The following RBPJ variants were observed in gnomAD, a reference collection of about 807,000 sequenced individuals.
RBPJ encodes the protein recombining binding protein suppressor of hairless.
A neutral mutation model predicts 67.8 loss-of-function variants in RBPJ; 9 were observed. The observed-to-expected ratio is 0.13, with a 90% CI of 0.08 to 0.23. The LOEUF (loss-of-function observed/expected upper bound fraction) is 0.23, where lower values mean the gene tolerates loss of function less well. Ranked by LOEUF, RBPJ falls within the 10% of genes least tolerant of loss-of-function variation. RBPJ has a pLI of 1.00. For missense variants in RBPJ, 305 were observed against 595.6 expected (o/e 0.51, Z 5.08); for synonymous variants, 198 against 203.3 (o/e 0.97, Z 0.22).
intron 2 of RBPJ, among the ~76,000 whole-genome samples, chr4:26,387,712 T>G (rs1731063295): frequency 6.6e-6 from 1 of 152,106 alleles, no homozygotes; most frequent in African/African-American, 2.4e-5. Flanking sequence ...CATGCGTGTG[T>G]AAGAAAACTA....
chr4:26,384,132 G>A lies in RBPJ; in HGVS notation c.21-2221G>A, dbSNP rs550001775. On this transcript the variant is annotated intron_variant, in intron 1 of 10. Transcript: ENST00000355476. ...CAAAGTGCTAGGATTACAGGCATGA[G>A]CTACCATGCCTTGCCTTGTTTCTTG... 2.2e-3 allele frequency among the ~76,000 whole-genome samples: 341 copies of A among 152,286 alleles called. 1 individual carries two copies. The highest frequency in any genetic ancestry group is 3.6e-3 in the Non-Finnish European group (244 of 68,022).
At chr4:26,120,994 AGAAGAG>A in the RBPJ span, among the ~76,000 whole-genome samples, 1 of 150,896 alleles carries the variant, frequency 6.6e-6, no homozygotes, top group Admixed American at 6.6e-5. Context: ...GGAGAGGAAG[AGAAGAG>A]GAAGAGGGAG....
intron 1 of RBPJ, among the ~76,000 whole-genome samples, chr4:26,177,699 G>T (rs1716845012): frequency 6.6e-6 from 1 of 152,104 alleles, no homozygotes; most frequent in Admixed American, 6.6e-5. Context: ...CACTAAGAAA[G>T]TCAGCTACCT....
chr4:26,188,484 A>T (rs1717357801), intron 1 of RBPJ, among the ~76,000 whole-genome samples: 2 of 152,234 alleles, frequency 1.3e-5, no homozygotes, highest in Admixed American at 1.3e-4. Flanking sequence ...TTTACCAGTT[A>T]TCCTTACACT....
rs1300302805 is a variant in RBPJ at position 26,424,792 on chromosome 4, T to G, written c.747+49T>G. The stretch of plus-strand genomic sequence containing the variant: ...TGATAATGTGAAGTAAAAATTAATT[T>G]CTTAAACAGGAAAATCACAACATTC... On this transcript the variant is annotated intron_variant, in intron 7 of 10. Transcript: ENST00000355476. The surrounding 1 kb of genome is among the most constrained non-coding windows in gnomAD (Gnocchi z 5.3). 9.2e-7 allele frequency: 1 copy of G among 1,084,894 alleles called. No homozygotes were observed. Among genetic ancestry groups the G allele is most frequent in the East Asian group, 2.4e-5 (1 of 42,170 alleles). The allele number at this position is 1,084,894 out of a possible 1,614,324, so 67.2% of individuals were successfully genotyped here.
At chr4:26,336,226 A>G (rs988475336) in intron 1 of RBPJ, among the ~76,000 whole-genome samples, 1 of 152,206 alleles carries the variant, frequency 6.6e-6, no homozygotes, top group Non-Finnish European at 1.5e-5. Context: ...CATGTTTACA[A>G]TGGGGTAAAT....
At chr4:26,126,561 T>C in the RBPJ span, among the ~76,000 whole-genome samples, 1 of 152,228 alleles carries the variant, frequency 6.6e-6, no homozygotes, top group Non-Finnish European at 1.5e-5. Context: ...TAGCTGTAGG[T>C]TATAGTCATT....
intron 1 of RBPJ, among the ~76,000 whole-genome samples, chr4:26,306,081 G>A (rs1722229367): frequency 6.6e-6 from 1 of 151,878 alleles, no homozygotes; most frequent in East Asian, 1.9e-4. Context: ...CACCGCACCT[G>A]GGCGAGTTCT....
the RBPJ span, among the ~76,000 whole-genome samples, chr4:26,126,515 C>T: frequency 1.3e-5 from 2 of 152,184 alleles, no homozygotes; most frequent in Non-Finnish European, 2.9e-5. Flanking sequence ...TTTCCTGGGA[C>T]GTGGACTCTT....
rs1367434749 is a variant in RBPJ at position 26,429,803 on chromosome 4, T to C, written c.889-95T>C. ...ATAAGTTTTTACTGAGTTATCTTCTTATTAACTCTTGTCTGAGGGTTACTT... is the reference window on the plus strand; with the variant it reads ...ATAAGTTTTTACTGAGTTATCTTCTCATTAACTCTTGTCTGAGGGTTACTT... On this transcript the variant is annotated intron_variant, in intron 8 of 10. Coordinates refer to ENST00000355476, the MANE Select transcript of RBPJ (RefSeq NM_015874.6). The C allele has an allele frequency of 1.2e-5, 12 of 1,006,366 alleles. No individual in the cohort carries two copies. The Admixed American group carries it at 2.7e-4, about 23-fold the overall frequency. The allele number at this position is 1,006,366 out of a possible 1,614,324, so 62.3% of individuals were successfully genotyped here. A position where few individuals can be genotyped will look rare whatever the true frequency, so the allele number is the denominator to read the frequency against.
the RBPJ span, among the ~76,000 whole-genome samples, chr4:26,149,815 T>C: frequency 1.1e-4 from 17 of 152,158 alleles, no homozygotes; most frequent in African/African-American, 3.9e-4. Flanking sequence ...GACTAAGACA[T>C]ATGTCTTTGC....
chr4:26,261,240 G>A (rs1030657046), intron 1 of RBPJ, among the ~76,000 whole-genome samples: 1 of 151,932 alleles, frequency 6.6e-6, no homozygotes, highest in Non-Finnish European at 1.5e-5. Context: ...AAAAAGAAAA[G>A]TGAACAGGAA....
At chr4:26,179,109 T>C (rs775425358) in intron 1 of RBPJ, among the ~76,000 whole-genome samples, 2 of 151,996 alleles carry the variant, frequency 1.3e-5, no homozygotes, top group Non-Finnish European at 2.9e-5. Context: ...GTCCCAGTGG[T>C]TGGAAGATAG....
At chr4:26,148,531 T>C in the RBPJ span, among the ~76,000 whole-genome samples, 1 of 151,412 alleles carries the variant, frequency 6.6e-6, no homozygotes, top group Non-Finnish European at 1.5e-5. Flanking sequence ...GATGGAGAGG[T>C]CAAGTGAACA....
At chr4:26,293,393 G>A (rs568426627) in intron 1 of RBPJ, among the ~76,000 whole-genome samples, 2 of 150,418 alleles carry the variant, frequency 1.3e-5, no homozygotes, top group East Asian at 2.0e-4. Flanking sequence ...CAGCACTTTG[G>A]GAGGCTGAGG....
At chr4:26,319,442 C>T (rs1722801357), upstream of RBPJ, among the ~76,000 whole-genome samples, 2 of 151,698 alleles carry the variant, frequency 1.3e-5, no homozygotes, top group Admixed American at 6.6e-5. Context: ...CCTTCCCGCC[C>T]CGCCTCCGCG....
intron 2 of RBPJ, among the ~76,000 whole-genome samples, chr4:26,392,849 A>G (rs776982174): frequency 1.3e-5 from 2 of 152,240 alleles, no homozygotes; most frequent in Non-Finnish European, 2.9e-5. Context: ...AGAAGCTTTT[A>G]TACTTGAAAA....
chr4:26,346,634 A>G (rs1249162384), intron 1 of RBPJ, among the ~76,000 whole-genome samples: 1 of 152,208 alleles, frequency 6.6e-6, no homozygotes, highest in Admixed American at 6.5e-5. Context: ...GAGGACTTCC[A>G]TACCCTCACT....
intron 1 of RBPJ, among the ~76,000 whole-genome samples, chr4:26,357,740 C>G (rs946685637): frequency 6.6e-6 from 1 of 152,094 alleles, no homozygotes; most frequent in African/African-American, 2.4e-5. Flanking sequence ...CCCCATTGCC[C>G]CCAGGTCCCT....
Sources: gnomAD v4.1 joint callset for allele counts (sites outside exome capture counted in the v4.1 genomes callset) on GRCh38, gnomAD v4.1.1 for gene constraint, Gnocchi (gnomAD v3.1) non-coding constraint, MANE v1.5 for transcripts, NCBI Gene and HGNC (gene_info 2026-07-23, HGNC 2026-07-21) for gene names.